The following KANK1 variants were observed in gnomAD, a reference collection of about 807,000 sequenced individuals.
KANK1 encodes KN motif and ankyrin repeat domains 1.
Under a neutral mutation model 106.2 loss-of-function variants are expected in KANK1, and 109 were observed. The ratio of observed to expected loss-of-function variants is 1.03; its 90% CI spans 0.88 to 1.20. The LOEUF (loss-of-function observed/expected upper bound fraction) is 1.20. KANK1 is among the 50% of genes most tolerant of loss of function. KANK1 has a pLI of 0.00. For missense variants in KANK1, 2,399 were observed against 1,710.7 expected (o/e 1.40, Z -7.10); for synonymous variants, 873 against 652.2 (o/e 1.34, Z -5.16).
chr9:670,636 C>A (rs191769508), intron 1 of KANK1, among the ~76,000 whole-genome samples: 2 of 152,116 alleles, frequency 1.3e-5, no homozygotes, highest in African/African-American at 4.8e-5. Context: ...TCTGATTTGG[C>A]GTCTCCTTTG....
chr9:745,360 CA>C lies in KANK1; in HGVS notation c.*126del. 1.6e-6 allele frequency: 2 copies of C among 1,255,126 alleles called. No homozygotes were observed. The highest frequency in any genetic ancestry group is 1.5e-5 in the African/African-American group (1 of 68,002). 77.7% of individuals were successfully genotyped at this position (1,255,126 alleles called of 1,614,324 possible). On this transcript the variant is annotated 3_prime_UTR_variant, in exon 12 of 12. Transcript: ENST00000382297. ...CACCAGCAAACAGAAGCATCAAGCC[CA>C]GGGGTAAAGGCTGAAGCTTTCACAG... is the stretch of plus-strand genomic sequence containing the variant.
intron 1 of KANK1, among the ~76,000 whole-genome samples, chr9:634,965 G>T (rs1466358344): frequency 6.6e-6 from 1 of 152,182 alleles, no homozygotes; most frequent in Non-Finnish European, 1.5e-5. Flanking sequence ...TCTAGACAGG[G>T]CATCTTGTGG....
At chr9:598,223 T>C (rs12346314) in intron 1 of KANK1, among the ~76,000 whole-genome samples, 11,554 of 151,710 alleles carry the variant, frequency 0.076, 1,363 homozygotes, top group East Asian at 0.24. Flanking sequence ...GGTCCATATA[T>C]TTATCCCTAT....
intron 1 of KANK1, among the ~76,000 whole-genome samples, chr9:600,283 C>G (rs1463730502): frequency 1.3e-5 from 2 of 151,682 alleles, no homozygotes; most frequent in African/African-American, 4.9e-5. Context: ...TGGAATCACA[C>G]GCTGTCTGTC....
At chr9:510,204 T>C (rs2058970108) in intron 1 of KANK1, among the ~76,000 whole-genome samples, 1 of 152,188 alleles carries the variant, frequency 6.6e-6, no homozygotes, top group African/African-American at 2.4e-5. Flanking sequence ...AGGTTGACCA[T>C]GATAACTTCT....
chr9:711,860 A>G lies in KANK1; in HGVS notation c.1094A>G (p.Lys365Arg). The G allele has an allele frequency of 6.2e-7, 1 of 1,614,218 alleles. No individual in the cohort carries two copies. Among genetic ancestry groups the G allele is most frequent in the South Asian group, 1.1e-5 (1 of 91,080 alleles). ...GTAGAACAGAGCACGCAGAGGATAA[A>G]GGAGTTCCGGCAACTTACAGCAGAC... is the stretch of plus-strand genomic sequence containing the variant. ...ETVEQSTQRI[K>R]EFRQLTADMQ... The change falls in exon 3 of 12, where the codon AAG (lysine) becomes AGG (arginine). Residue 365 changes from lysine to arginine, a missense_variant. Transcript: ENST00000382297.
At chr9:628,682 C>G (rs921873828) in intron 1 of KANK1, among the ~76,000 whole-genome samples, 6 of 152,124 alleles carry the variant, frequency 3.9e-5, no homozygotes, top group African/African-American at 1.4e-4. Flanking sequence ...GCCCAGTTCC[C>G]AGGTTGAAAC....
At chr9:664,436 T>C (rs140833175) in intron 1 of KANK1, among the ~76,000 whole-genome samples, 3 of 152,308 alleles carry the variant, frequency 2.0e-5, no homozygotes, top group African/African-American at 2.4e-5. Context: ...TTCTATTGTG[T>C]ATTTTTACCA....
intron 2 of KANK1, among the ~76,000 whole-genome samples, chr9:709,176 A>C (rs951478276): frequency 1.3e-5 from 2 of 152,246 alleles, no homozygotes; most frequent in African/African-American, 2.4e-5. Context: ...CTCTTCCTAC[A>C]GTTAAGACAG....
At chr9:655,451 C>G (rs908720560) in intron 1 of KANK1, among the ~76,000 whole-genome samples, 3 of 150,552 alleles carry the variant, frequency 2.0e-5, no homozygotes, top group African/African-American at 7.4e-5. Context: ...GGTTAGGAAG[C>G]TTAAGACTTG....
At chr9:636,386 A>G (rs1366053328) in intron 1 of KANK1, among the ~76,000 whole-genome samples, 1 of 152,120 alleles carries the variant, frequency 6.6e-6, no homozygotes, top group Non-Finnish European at 1.5e-5. Flanking sequence ...TTTGTGTTTG[A>G]TGGCTAAATA....
chr9:659,648 G>A (rs1842876582), intron 1 of KANK1, among the ~76,000 whole-genome samples: 2 of 152,162 alleles, frequency 1.3e-5, no homozygotes, highest in South Asian at 4.2e-4. Context: ...TACAGTCATG[G>A]TGGATGGCGA....
rs552954324 is a variant in KANK1 at position 714,429 on chromosome 9, G to A, written c.2698+965G>A. 1.6e-4 allele frequency among the ~76,000 whole-genome samples: 23 copies of A among 144,956 alleles called. No homozygotes were observed. The South Asian group carries it at 4.2e-3, about 26-fold the overall frequency. On this transcript the variant is annotated intron_variant, in intron 3 of 11. Coordinates refer to ENST00000382297, the MANE Select transcript of KANK1 (RefSeq NM_015158.5). ...GGCTGGAGGGTGGTGGTGCCATCTC[G>A]GCTCACTGCAACCTCTGCCTCTCAG...
Position 667,570 on chromosome 9 carries a change from C to T in KANK1, c.-83-9320C>T, listed in dbSNP as rs1286887562. ...GATGTAGATGTTTATTGCTATAAAC[C>T]TCCCTCTTAGTACTGTGTTTACTGT... On this transcript the variant is annotated intron_variant, in intron 1 of 11. Transcript: ENST00000382297. 2.0e-5 allele frequency among the ~76,000 whole-genome samples: 3 copies of T among 151,660 alleles called. No individual in the cohort carries two copies. The East Asian group carries it at 5.8e-4, about 29-fold the overall frequency.
intron 3 of KANK1, among the ~76,000 whole-genome samples, chr9:489,758 G>A (rs1051663531): frequency 3.3e-5 from 5 of 152,142 alleles, no homozygotes; most frequent in African/African-American, 1.2e-4. Context: ...TCTGCTCCAC[G>A]GGGTTTGAAG....
chr9:496,879 G>T (rs2058465931), intron 3 of KANK1, among the ~76,000 whole-genome samples: 1 of 152,030 alleles, frequency 6.6e-6, no homozygotes, highest in Non-Finnish European at 1.5e-5. Context: ...CTCTACTTAG[G>T]ATCCTAGTAG....
At chr9:636,489 T>C (rs1485188796) in intron 1 of KANK1, among the ~76,000 whole-genome samples, 2 of 152,194 alleles carry the variant, frequency 1.3e-5, no homozygotes, top group Non-Finnish European at 2.9e-5. Context: ...AAAGAGATCA[T>C]GGAGGCTCAG....
chr9:661,683 C>T (rs1843347627), intron 1 of KANK1, among the ~76,000 whole-genome samples: 2 of 152,094 alleles, frequency 1.3e-5, no homozygotes, highest in South Asian at 2.1e-4. Context: ...AATTCTAGAT[C>T]GTTGAGGAAT....
intron 1 of KANK1, among the ~76,000 whole-genome samples, chr9:588,687 T>C (rs1824116305): frequency 6.6e-6 from 1 of 152,202 alleles, no homozygotes; most frequent in East Asian, 1.9e-4. Flanking sequence ...TCCTTACTGG[T>C]TTATTTCTAT....
Sources: gnomAD v4.1 joint callset for allele counts (sites outside exome capture counted in the v4.1 genomes callset) on GRCh38, gnomAD v4.1.1 for gene constraint, MANE v1.5 for transcripts, NCBI Gene and HGNC (gene_info 2026-07-23, HGNC 2026-07-21) for gene names.